Variants in SLC4A10 observed in about 807,000 individuals in gnomAD.
SLC4A10 encodes the protein sodium-driven chloride bicarbonate exchanger.
SLC4A10 carries 42 observed loss-of-function variants against 137.7 expected under a neutral mutation model. The ratio of observed to expected loss-of-function variants is 0.30; its 90% CI spans 0.24 to 0.39. The LOEUF is 0.39. Among genes scored for constraint, SLC4A10 ranks in the 10% least tolerant of loss-of-function variants. SLC4A10 has a pLI of 1.00. For missense variants in SLC4A10, 925 were observed against 1,355.0 expected (o/e 0.68, Z 4.98); for synonymous variants, 474 against 464.1 (o/e 1.02, Z -0.27).
At position 161,746,568 on chromosome 2, in the gene SLC4A10, G is replaced by A. The variant is rs372345088; in HGVS notation, c.49-24405G>A. Among the ~76,000 whole-genome samples the A allele has an allele frequency of 1.8e-4, 27 of 152,092 alleles. 1 individual carries two copies. Among genetic ancestry groups the A allele is most frequent in the East Asian group, 1.7e-3 (9 of 5,156 alleles). ...ATTGGTGACTTTAGGAGTCAGCTTC[G>A]TGCTTTATTTTACTGTGGCTGAGCT... is the stretch of plus-strand genomic sequence containing the variant. On this transcript the variant is annotated intron_variant, in intron 1 of 26. Transcript: ENST00000446997.
intron 1 of SLC4A10, among the ~76,000 whole-genome samples, chr2:161,633,909 G>T (rs1443081641): frequency 6.6e-6 from 1 of 151,398 alleles, no homozygotes; most frequent in Non-Finnish European, 1.5e-5. Context: ...TTTTTATTTT[G>T]ACTCTATTTT....
intron 15 of SLC4A10, among the ~76,000 whole-genome samples, chr2:161,906,378 T>C (rs1232709592): frequency 6.6e-6 from 1 of 152,148 alleles, no homozygotes; most frequent in East Asian, 1.9e-4. Flanking sequence ...AAATTTAATT[T>C]TGGTTTTGGC....
chr2:161,945,626 G>A (rs1046644529), intron 16 of SLC4A10, among the ~76,000 whole-genome samples: 1 of 151,722 alleles, frequency 6.6e-6, no homozygotes, highest in African/African-American at 2.4e-5. Flanking sequence ...ATGTGTGAGT[G>A]CCTCTGTGTG....
rs146742344 is a variant in SLC4A10 at position 161,706,121 on chromosome 2, A to G, written c.49-64852A>G. On this transcript the variant is annotated intron_variant, in intron 1 of 26. Coordinates refer to ENST00000446997, the MANE Select transcript of SLC4A10 (RefSeq NM_001178015.2). ...TTTTTGGATTAAATAGATCTTATCAACTAGATAATAGAGAGATTAAGAGCT... is the reference window on the plus strand; with the variant it reads ...TTTTTGGATTAAATAGATCTTATCAGCTAGATAATAGAGAGATTAAGAGCT... 4.4e-4 allele frequency among the ~76,000 whole-genome samples: 67 copies of G among 151,672 alleles called. 1 individual carries two copies. Among genetic ancestry groups the G allele is most frequent in the Non-Finnish European group, 9.0e-4 (61 of 67,660 alleles).
intron 2 of SLC4A10, among the ~76,000 whole-genome samples, chr2:161,777,748 C>T (rs1190376525): frequency 2.0e-5 from 3 of 151,966 alleles, no homozygotes; most frequent in African/African-American, 4.8e-5. Context: ...AGTCATCTTC[C>T]ACTGGGTTCC....
chr2:161,798,326 T>C (rs891235258), intron 2 of SLC4A10, among the ~76,000 whole-genome samples: 1 of 151,996 alleles, frequency 6.6e-6, no homozygotes, highest in East Asian at 1.9e-4. Context: ...ATTCATTTCA[T>C]GTAAAAAGCA....
intron 15 of SLC4A10, among the ~76,000 whole-genome samples, chr2:161,936,226 G>C (rs1575731156): frequency 6.6e-6 from 1 of 152,048 alleles, no homozygotes; most frequent in East Asian, 1.9e-4. Flanking sequence ...GTTCATCAGG[G>C]ATATTGACCT....
intron 1 of SLC4A10, among the ~76,000 whole-genome samples, chr2:161,669,261 G>C (rs2039429200): frequency 6.6e-6 from 1 of 151,788 alleles, no homozygotes; most frequent in South Asian, 2.1e-4. Flanking sequence ...TGTAGGATTT[G>C]TGGCCTTTGT....
At chr2:161,974,822 CAT>C (rs1324521041) in intron 24 of SLC4A10, among the ~76,000 whole-genome samples, 6 of 152,252 alleles carry the variant, frequency 3.9e-5, no homozygotes, top group Admixed American at 3.9e-4. Context: ...TGTACAAAGA[CAT>C]AGCAAAAGAA....
At position 161,964,252 on chromosome 2, in the gene SLC4A10, C is replaced by T. The variant is rs773893991; in HGVS notation, c.2980C>T (p.Leu994Phe). 6.2e-7 allele frequency: 1 copy of T among 1,613,584 alleles called. No homozygotes were observed. The highest frequency in any genetic ancestry group is 8.5e-7 in the Non-Finnish European group (1 of 1,179,666). ...HLFTIIQMSC[L>F]GLLWIIKVSR... ...CTTCACAATTATTCAGATGAGTTGC[C>T]TTGGCCTTTTGTGGATAATAAAAGT... The change falls in exon 22 of 27, where the codon CTT (leucine) becomes TTT (phenylalanine). Residue 994 changes from leucine (L) to phenylalanine (F), a missense_variant. By Grantham distance (22) the Leu-to-Phe change is conservative. Around this residue, in one of 11 missense-constraint regions of SLC4A10, gnomAD observed 115 missense variants for 237.5 expected, o/e 0.48. Coordinates refer to ENST00000446997, the MANE Select transcript of SLC4A10 (RefSeq NM_001178015.2).
intron 5 of SLC4A10, among the ~76,000 whole-genome samples, chr2:161,858,580 C>T (rs1434748595): frequency 6.6e-6 from 1 of 152,116 alleles, no homozygotes; most frequent in Non-Finnish European, 1.5e-5. Flanking sequence ...ACAATTTACT[C>T]TGATATGGAG....
At chr2:161,821,450 C>T (rs1667595) in intron 3 of SLC4A10, among the ~76,000 whole-genome samples, 297 of 152,288 alleles carry the variant, frequency 2.0e-3, no homozygotes, top group African/African-American at 6.4e-3. Context: ...TCCATCAACA[C>T]AGGAGAAATA....
chr2:161,913,693 T>C (rs559533956), intron 15 of SLC4A10, among the ~76,000 whole-genome samples: 5 of 151,704 alleles, frequency 3.3e-5, no homozygotes, highest in African/African-American at 9.7e-5. Flanking sequence ...AAATGAATTA[T>C]AGTGAAGAGT....
chr2:161,809,172 T>G (rs1476142134), intron 3 of SLC4A10, among the ~76,000 whole-genome samples: 1 of 152,182 alleles, frequency 6.6e-6, no homozygotes, highest in Admixed American at 6.6e-5. Context: ...ACTGCTTGTA[T>G]GTTTTCTTTT....
At position 161,722,983 on chromosome 2, in the gene SLC4A10, G is replaced by C. The variant is rs542249665; in HGVS notation, c.49-47990G>C. ...GCCGCAGCTGCTGGACTGCACTGTAGGGAATTCCTCCAGGTCCAAACTACT... is the reference window on the plus strand; with the variant it reads ...GCCGCAGCTGCTGGACTGCACTGTACGGAATTCCTCCAGGTCCAAACTACT... On this transcript the variant is annotated intron_variant, in intron 1 of 26. Transcript: ENST00000446997. 2.0e-5 allele frequency among the ~76,000 whole-genome samples: 3 copies of C among 152,306 alleles called. No homozygotes were observed. In the South Asian group the frequency reaches 6.2e-4, roughly 32 times the overall value.
rs142326328 is a variant in SLC4A10 at position 161,628,172 on chromosome 2, A to G, written c.48+3606A>G. Among the ~76,000 whole-genome samples the G allele has an allele frequency of 5.5e-4, 84 of 152,212 alleles. 1 individual carries two copies. Among genetic ancestry groups the G allele is most frequent in the African/African-American group, 2.0e-3 (82 of 41,572 alleles). On this transcript the variant is annotated intron_variant, in intron 1 of 26. Transcript: ENST00000446997. Reference sequence around the variant, plus strand: ...CAATGTTGAATTTGCTTTTAGGAGTAACCTAACAATTTAAAAATTATCAGG... The same window carrying G: ...CAATGTTGAATTTGCTTTTAGGAGTGACCTAACAATTTAAAAATTATCAGG...
intron 1 of SLC4A10, among the ~76,000 whole-genome samples, chr2:161,718,620 T>C (rs1375543905): frequency 6.6e-6 from 1 of 152,176 alleles, no homozygotes; most frequent in Non-Finnish European, 1.5e-5. Flanking sequence ...TGAGTGAGTT[T>C]CTTAATTTTG....
chr2:161,644,808 C>T (rs1328141579), intron 1 of SLC4A10, among the ~76,000 whole-genome samples: 1 of 152,062 alleles, frequency 6.6e-6, no homozygotes, highest in Non-Finnish European at 1.5e-5. Context: ...CAGAAGTTTT[C>T]ATAAAAATTT....
intron 3 of SLC4A10, among the ~76,000 whole-genome samples, chr2:161,839,322 G>A (rs532236838): frequency 1.3e-4 from 20 of 152,312 alleles, no homozygotes; most frequent in African/African-American, 4.8e-4. Context: ...AGGTAGGAAT[G>A]ACTACAAAGG....
Sources: allele counts gnomAD v4.1 joint callset (sites outside exome capture counted in the v4.1 genomes callset), GRCh38; gene constraint gnomAD v4.1.1; regional missense constraint gnomAD v4.1.1; transcripts MANE v1.5; gene names NCBI Gene and HGNC (gene_info 2026-07-23, HGNC 2026-07-21).